The following CLCN2 variants were observed in gnomAD, a reference collection of about 807,000 sequenced individuals.
CLCN2 encodes the protein chloride channel protein 2.
Under a neutral mutation model 108.3 loss-of-function variants are expected in CLCN2, and 72 were observed. That is an observed-to-expected ratio of 0.66 (90% CI 0.55 to 0.81). The LOEUF (loss-of-function observed/expected upper bound fraction) is 0.81. Ranked by LOEUF, CLCN2 falls within the 30% of genes least tolerant of loss-of-function variation. The pLI is 0.00. For missense variants in CLCN2, 1,048 were observed against 1,205.2 expected (o/e 0.87, Z 1.93); for synonymous variants, 471 against 467.1 (o/e 1.01, Z -0.11).
In CLCN2 at chr3:184,357,787, T is replaced by A. The variant is rs766609731; in HGVS notation, c.685A>T (p.Ile229Phe). The A allele has an allele frequency of 6.2e-7, 1 of 1,613,934 alleles. No individual in the cohort carries two copies. The highest frequency in any genetic ancestry group is 1.7e-5 in the Admixed American group (1 of 60,012). Residue 229 changes from isoleucine (I) to phenylalanine (F), a missense_variant, in exon 6 of 24, where the codon ATC becomes TTC. Transcript: ENST00000265593. ...LSKFLSLFGGIYENESRNTEM... is the reference protein window; with the variant it reads ...LSKFLSLFGGFYENESRNTEM... ...CCCAGGGTTCCCCTTACCTCATAGA[T>A]ACCCCCAAAGAGGGAGAGGAACTTG...
intron 22 of CLCN2, among the ~76,000 whole-genome samples, chr3:184,350,797 CT>C (rs1344737967): frequency 1.3e-5 from 2 of 152,186 alleles, no homozygotes; most frequent in Non-Finnish European, 2.9e-5. Context: ...TCTCAGTTTT[CT>C]TATCTATAAA....
In CLCN2 at chr3:184,353,738, G is replaced by A; in HGVS notation, c.1779C>T (p.Leu593=). The A allele has an allele frequency of 6.2e-7, 1 of 1,608,196 alleles. No individual in the cohort carries two copies. The highest frequency in any genetic ancestry group is 8.5e-7 in the Non-Finnish European group (1 of 1,177,808). Reference sequence around the variant, plus strand: ...AACGCAGGTCCCGGAAGGTGCAGCTGAGGGCCACATGGGGAACATCCCGCA... The same window carrying A: ...AACGCAGGTCCCGGAAGGTGCAGCTAAGGGCCACATGGGGAACATCCCGCA... ...IMVRDVPHVA[L]SCTFRDLRLA... The change falls in exon 16 of 24, where the codon CTC becomes CTT. Residue 593 remains leucine (L), a synonymous_variant. Transcript: ENST00000265593.
rs1344692578 is a variant in CLCN2, at chr3:184,354,557, C to G, written c.1498G>C (p.Ala500Pro). 2 of 1,612,706 alleles carry G rather than the reference C, an allele frequency of 1.2e-6. No individual in the cohort carries two copies. The highest frequency in any genetic ancestry group is 1.7e-6 in the Non-Finnish European group (2 of 1,179,722). Residue 500 changes from alanine to proline, a missense_variant, in exon 14 of 24, where the codon GCT becomes CCT. By Grantham distance (27) the Ala-to-Pro change is conservative. Coordinates refer to ENST00000265593, the MANE Select transcript of CLCN2 (RefSeq NM_004366.6). ...GACCTGAGGCACTCACCGACCACAGCGTAGCCCCCAGGCACAATCCGGTAG... is the reference window on the plus strand; with the variant it reads ...GACCTGAGGCACTCACCGACCACAGGGTAGCCCCCAGGCACAATCCGGTAG... Reference protein sequence around the residue: ...STYRIVPGGYAVVGAAALAGA... With the variant: ...STYRIVPGGYPVVGAAALAGA...
At chr3:184,353,478 C>T in intron 16 of CLCN2, 56 bp from the exon 17 acceptor site, 1 of 1,558,682 alleles carries the variant, frequency 6.4e-7, no homozygotes. Flanking sequence ...CCAGCCCCGT[C>T]CTTCTCTCAC....
rs1728446490 is a variant in CLCN2 at position 184,355,091 on chromosome 3, C to G, written c.1327-118G>C. 19 of 1,001,604 alleles carry G rather than the reference C, an allele frequency of 1.9e-5. No homozygotes were observed. Among genetic ancestry groups the G allele is most frequent in the Non-Finnish European group, 2.9e-5 (19 of 646,200 alleles). 62.0% of individuals were successfully genotyped at this position (1,001,604 alleles called of 1,614,324 possible). On this transcript the variant is annotated intron_variant, in intron 12 of 23. Transcript: ENST00000265593. This position sits in a 1 kb window ranked among gnomAD's most constrained non-coding sequence, Gnocchi z 6.3. ...GGTGGGCGTAACCCTCCCAGCCACC[C>G]CGTAACCCTCCTAGCTACCCTGGGA...
chr3:184,347,132 A>C, intron 22 of CLCN2, 111 bp from the exon 23 acceptor site: 1 of 844,006 alleles, frequency 1.2e-6, no homozygotes, highest in Non-Finnish European at 2.1e-6. Flanking sequence ...GGTGCCCCAG[A>C]TTGGGAGGGA....
chr3:184,360,096 G>T (rs1711818095), intron 1 of CLCN2, among the ~76,000 whole-genome samples: 1 of 152,034 alleles, frequency 6.6e-6, no homozygotes, highest in Non-Finnish European at 1.5e-5. Context: ...AGAGAAAAGA[G>T]AGGGAAGGCG....
At chr3:184,358,948 G>T (rs754671683) in intron 2 of CLCN2, 27 bp downstream of exon 2, 3 of 1,613,450 alleles carry the variant, frequency 1.9e-6, no homozygotes, top group Admixed American at 3.3e-5. Flanking sequence ...GCACAGCCAG[G>T]TCCCCTGCCC....
At chr3:184,353,496 G>T (rs1447495360) in intron 16 of CLCN2, 74 bp from the exon 17 acceptor site, 2 of 1,548,938 alleles carry the variant, frequency 1.3e-6, no homozygotes, top group African/African-American at 2.7e-5. Flanking sequence ...CACACTCAGA[G>T]TGGGGGGCCT....
rs189517718 is a variant in CLCN2 at position 184,355,619 on chromosome 3, T to A, written c.1170+75A>T. 100 of 1,600,632 alleles carry A rather than the reference T, an allele frequency of 6.2e-5. No homozygotes were observed. The highest frequency in any genetic ancestry group is 8.6e-5 in the Non-Finnish European group (100 of 1,167,804). On this transcript the variant is annotated intron_variant, in intron 11 of 23. Transcript: ENST00000265593. The surrounding 1 kb of genome is among the most constrained non-coding windows in gnomAD (Gnocchi z 6.3). ...CCACGGGGAACAAGGGGTCCCACAG[T>A]CACACTGGGGCTGTTGGCTTTGGAG...
At chr3:184,349,729 C>A (rs79251853) in intron 22 of CLCN2, among the ~76,000 whole-genome samples, 4,232 of 147,662 alleles carry the variant, frequency 0.029, 194 homozygotes, top group African/African-American at 0.095. Context: ...GAGGTGTGAT[C>A]CCCATTTTAC....
Position 184,361,379 on chromosome 3 carries a change from C to T in CLCN2, c.63+38G>A. Reference sequence around the variant, plus strand: ...CCAGGGTAACCTGGAGCAGGGGTCCCGGAGCGCACTCCTGGGGCTCAGCTC... The same window carrying T: ...CCAGGGTAACCTGGAGCAGGGGTCCTGGAGCGCACTCCTGGGGCTCAGCTC... On this transcript the variant is annotated intron_variant, in intron 1 of 23. Coordinates refer to ENST00000265593, the MANE Select transcript of CLCN2 (RefSeq NM_004366.6). This position sits in a 1 kb window ranked among gnomAD's most constrained non-coding sequence, Gnocchi z 6.6. 6.2e-7 allele frequency: 1 copy of T among 1,604,578 alleles called. No individual in the cohort carries two copies. The highest frequency in any genetic ancestry group is 1.7e-5 in the Admixed American group (1 of 60,012).
chr3:184,351,467 C>A (rs576262812), intron 22 of CLCN2, among the ~76,000 whole-genome samples: 1 of 152,180 alleles, frequency 6.6e-6, no homozygotes, highest in African/African-American at 2.4e-5. Context: ...CATCTTCCCG[C>A]GTCCGTACCA....
intron 22 of CLCN2, 117 bp from the exon 23 acceptor site, chr3:184,347,138 A>G: frequency 3.7e-6 from 3 of 819,986 alleles, no homozygotes; most frequent in Non-Finnish European, 6.5e-6. Flanking sequence ...CCAGATTGGG[A>G]GGGAAGGAGA....
chr3:184,358,852 A>G (rs2108574274), intron 2 of CLCN2, 39 bp from the exon 3 acceptor site: 1 of 1,613,942 alleles, frequency 6.2e-7, no homozygotes, highest in Non-Finnish European at 8.5e-7. Context: ...GGATGGCACC[A>G]AAGTGCTCCT....
chr3:184,356,289 G>A (rs1051939438), intron 10 of CLCN2: 2 of 194,250 alleles, frequency 1.0e-5, no homozygotes, highest in South Asian at 9.7e-5. Context: ...GTCATGTCTC[G>A]CCCTCCCCAC....
At position 184,357,006 on chromosome 3, in the gene CLCN2, A is replaced by G. The variant is rs761178496; in HGVS notation, c.1072T>C (p.Phe358Leu). Residue 358 changes from phenylalanine to leucine, a missense_variant, in exon 10 of 24, where the codon TTC (phenylalanine) becomes CTC (leucine). Physicochemically the swap from Phe to Leu is conservative, Grantham distance 22. Coordinates refer to ENST00000265593, the MANE Select transcript of CLCN2 (RefSeq NM_004366.6). ...AGAGCCACTCACTTCCTCATGAGGA[A>G]GCGATTGATGGTTTTCTGCTTCCGC... ...VMRKQKTINR[F>L]LMRKRLLFPA... 1.2e-5 allele frequency: 20 copies of G among 1,613,042 alleles called. No individual in the cohort carries two copies. Among genetic ancestry groups the G allele is most frequent in the Non-Finnish European group, 1.3e-5 (15 of 1,179,594 alleles).
rs1166623957 is a variant in CLCN2, at chr3:184,355,620, C to T, written c.1170+74G>A. 3 of 1,602,882 alleles carry T rather than the reference C, an allele frequency of 1.9e-6. No homozygotes were observed. Among genetic ancestry groups the T allele is most frequent in the African/African-American group, 2.7e-5 (2 of 74,700 alleles). On this transcript the variant is annotated intron_variant, in intron 11 of 23. Transcript: ENST00000265593. This position sits in a 1 kb window ranked among gnomAD's most constrained non-coding sequence, Gnocchi z 6.3. ...CACGGGGAACAAGGGGTCCCACAGT[C>T]ACACTGGGGCTGTTGGCTTTGGAGG...
intron 22 of CLCN2, among the ~76,000 whole-genome samples, chr3:184,349,900 A>C (rs1217585669): frequency 1.3e-5 from 2 of 152,136 alleles, no homozygotes; most frequent in Non-Finnish European, 2.9e-5. Flanking sequence ...CTCTGAATGA[A>C]TTACTTATTA....
Sources: gnomAD v4.1 joint callset for allele counts (sites outside exome capture counted in the v4.1 genomes callset) on GRCh38, gnomAD v4.1.1 for gene constraint, Gnocchi (gnomAD v3.1) non-coding constraint, MANE v1.5 for transcripts, NCBI Gene and HGNC (gene_info 2026-07-23, HGNC 2026-07-21) for gene names.